SND1: variants seen among roughly 807,000 people sequenced by gnomAD.
SND1 encodes staphylococcal nuclease domain-containing protein 1.
A neutral mutation model predicts 121.7 loss-of-function variants in SND1; 38 were observed. The observed-to-expected ratio is 0.31, with a 90% CI of 0.24 to 0.41. The LOEUF (loss-of-function observed/expected upper bound fraction) is 0.41, where lower values mean the gene tolerates loss of function less well. Ranked by LOEUF, SND1 falls within the 10% of genes least tolerant of loss-of-function variation. The pLI, the probability that SND1 is intolerant of heterozygous loss-of-function variation, is 1.00. For synonymous variants in SND1, 401 were observed against 447.4 expected (o/e 0.90, Z 1.31); for missense variants, 868 against 1,184.6 (o/e 0.73, Z 3.92).
intron 10 of SND1, among the ~76,000 whole-genome samples, chr7:127,738,434 A>C (rs777805517): frequency 6.6e-6 from 1 of 151,630 alleles, no homozygotes; most frequent in Non-Finnish European, 1.5e-5. Context: ...ACCTGCCACC[A>C]CGCTTGTCTA....
chr7:127,845,832 T>A (rs956853632), intron 12 of SND1, among the ~76,000 whole-genome samples: 1 of 152,228 alleles, frequency 6.6e-6, no homozygotes, highest in Non-Finnish European at 1.5e-5. Context: ...GAAGAATATT[T>A]AAAAAATAAG....
intron 1 of SND1, among the ~76,000 whole-genome samples, chr7:127,660,938 C>A (rs544682673): frequency 4.8e-4 from 73 of 151,318 alleles, no homozygotes; most frequent in African/African-American, 1.6e-3. Context: ...GGTCTATTTT[C>A]AAAAAAAAGC....
chr7:127,771,571 T>C (rs1443270948), intron 10 of SND1, among the ~76,000 whole-genome samples: 2 of 152,122 alleles, frequency 1.3e-5, no homozygotes, highest in South Asian at 4.1e-4. Flanking sequence ...ATGAAGTGTA[T>C]CCTGCCTTCT....
At chr7:127,975,354 C>T (rs577515039) in intron 15 of SND1, among the ~76,000 whole-genome samples, 7 of 151,756 alleles carry the variant, frequency 4.6e-5, no homozygotes, top group African/African-American at 1.7e-4. Flanking sequence ...TGTGCGCACG[C>T]GCGTGTGTAT....
At chr7:127,699,994 G>A (rs1010801773) in intron 4 of SND1, among the ~76,000 whole-genome samples, 2 of 152,132 alleles carry the variant, frequency 1.3e-5, no homozygotes, top group East Asian at 3.9e-4. Flanking sequence ...CTATAATTGG[G>A]GTGTGCCAGT....
intron 10 of SND1, among the ~76,000 whole-genome samples, chr7:127,767,514 A>C (rs374040735): frequency 9.8e-5 from 15 of 152,354 alleles, no homozygotes; most frequent in African/African-American, 3.6e-4. Context: ...GTCTGTTTTG[A>C]TAATGAAAGT....
chr7:127,912,958 TG>T (rs1456051640), intron 14 of SND1, among the ~76,000 whole-genome samples: 4 of 152,206 alleles, frequency 2.6e-5, no homozygotes, highest in African/African-American at 9.6e-5. Context: ...GTACCTTACT[TG>T]GTTTAACTTT....
chr7:127,893,120 C>T (rs1047908805), intron 13 of SND1, among the ~76,000 whole-genome samples: 3 of 152,028 alleles, frequency 2.0e-5, no homozygotes, highest in Non-Finnish European at 4.4e-5. Context: ...GAGTCATTAC[C>T]GGGACCCTTT....
intron 16 of SND1, among the ~76,000 whole-genome samples, chr7:128,021,736 A>G (rs1436895841): frequency 1.3e-5 from 2 of 152,208 alleles, no homozygotes; most frequent in African/African-American, 4.8e-5. Context: ...TGGAGAGGAA[A>G]TATCATGAGA....
intron 3 of SND1, among the ~76,000 whole-genome samples, chr7:127,697,762 G>A (rs746304287): frequency 3.9e-5 from 6 of 152,200 alleles, no homozygotes; most frequent in African/African-American, 7.2e-5. Flanking sequence ...TGATAATGGC[G>A]AGGCAATTAG....
intron 2 of SND1, among the ~76,000 whole-genome samples, chr7:127,692,180 T>A (rs949067679): frequency 6.6e-6 from 1 of 152,188 alleles, no homozygotes; most frequent in South Asian, 2.1e-4. Context: ...CTTGTCCTGG[T>A]AGTTTTAAGA....
At chr7:127,798,970 C>CCGGAACG (rs1798077168) in intron 10 of SND1, among the ~76,000 whole-genome samples, 1 of 152,208 alleles carries the variant, frequency 6.6e-6, no homozygotes, top group African/African-American at 2.4e-5. Context: ...TCATGTGAGC[C>CCGGAACG]TGGAACGTCA....
chr7:127,853,782 T>C (rs1469997581), intron 12 of SND1, among the ~76,000 whole-genome samples: 1 of 152,214 alleles, frequency 6.6e-6, no homozygotes, highest in East Asian at 1.9e-4. Flanking sequence ...AAATATATGA[T>C]ACCAGTTATG....
At chr7:127,774,488 T>C (rs1456935340) in intron 10 of SND1, among the ~76,000 whole-genome samples, 1 of 152,192 alleles carries the variant, frequency 6.6e-6, no homozygotes, top group African/African-American at 2.4e-5. Context: ...GCTGTCTCAC[T>C]AACTCACCCA....
intron 12 of SND1, among the ~76,000 whole-genome samples, chr7:127,878,858 C>T (rs892197929): frequency 1.3e-5 from 2 of 152,078 alleles, no homozygotes; most frequent in African/African-American, 4.8e-5. Flanking sequence ...TCAAATGTTT[C>T]CAATTATCGA....
intron 15 of SND1, among the ~76,000 whole-genome samples, chr7:127,990,591 A>C (rs903009746): frequency 3.9e-5 from 6 of 152,192 alleles, no homozygotes; most frequent in Admixed American, 3.3e-4. Context: ...CATTTCTGTA[A>C]GAGATGGCTC....
chr7:127,693,505 T>A (rs1490514195), intron 2 of SND1, among the ~76,000 whole-genome samples: 2 of 152,200 alleles, frequency 1.3e-5, no homozygotes, highest in Non-Finnish European at 2.9e-5. Flanking sequence ...ACCTGCCACC[T>A]TTTGATTGGT....
At chr7:127,819,135 T>C (rs1798500378) in intron 11 of SND1, among the ~76,000 whole-genome samples, 1 of 152,206 alleles carries the variant, frequency 6.6e-6, no homozygotes, top group African/African-American at 2.4e-5. Flanking sequence ...AGGAGTAAAT[T>C]TGAGCAGGGC....
chr7:127,919,554 G>A (rs73721251), intron 14 of SND1, among the ~76,000 whole-genome samples: 2,473 of 152,270 alleles, frequency 0.016, 91 homozygotes, highest in African/African-American at 0.057. Flanking sequence ...TTAAGTTATT[G>A]TTTAATCCTA....
Sources: allele counts gnomAD v4.1 joint callset (sites outside exome capture counted in the v4.1 genomes callset), GRCh38; gene constraint gnomAD v4.1.1; transcripts MANE v1.5; gene names NCBI Gene and HGNC (gene_info 2026-07-23, HGNC 2026-07-21).